TANC2: variants seen among roughly 807,000 people sequenced by gnomAD.
TANC2 encodes protein TANC2.
In TANC2, 26 loss-of-function variants were observed where a neutral mutation model predicts 210.5. That is an observed-to-expected ratio of 0.12 (90% CI 0.09 to 0.17). The LOEUF is 0.17. Among genes scored for constraint, TANC2 ranks in the 10% least tolerant of loss-of-function variants. TANC2 has a pLI of 1.00. For synonymous variants in TANC2, 931 were observed against 967.1 expected (o/e 0.96, Z 0.69); for missense variants, 2,129 against 2,608.9 (o/e 0.82, Z 4.01).
rs186074936 is a variant in TANC2, at chr17:63,190,620, C to T, written c.434-3371C>T. Among the ~76,000 whole-genome samples, 84 of 152,214 alleles carry T rather than the reference C, an allele frequency of 5.5e-4. 1 individual carries two copies. The highest frequency in any genetic ancestry group is 8.9e-4 in the African/African-American group (37 of 41,516). ...GGAAAGGAAGCGAGTAAGCAAGCAG[C>T]TGGAATTTTGATAAGGATTGCATTA... On this transcript the variant is annotated intron_variant, in intron 5 of 27. Coordinates refer to ENST00000689528, the Ensembl canonical transcript of TANC2.
intron 5 of TANC2, among the ~76,000 whole-genome samples, chr17:63,168,641 A>G (rs1283167832): frequency 6.6e-6 from 1 of 152,194 alleles, no homozygotes; most frequent in Non-Finnish European, 1.5e-5. Context: ...TTCAACATAT[A>G]CTTTATCATG....
chr17:63,118,028 C>G (rs927878181), intron 4 of TANC2, among the ~76,000 whole-genome samples: 2 of 152,124 alleles, frequency 1.3e-5, no homozygotes, highest in Admixed American at 1.3e-4. Flanking sequence ...CTGTTAAAAA[C>G]TCAATTTTTC....
chr17:63,248,119 G>A (rs1033145470), intron 8 of TANC2, among the ~76,000 whole-genome samples: 3 of 151,984 alleles, frequency 2.0e-5, no homozygotes, highest in Non-Finnish European at 2.9e-5. Context: ...AAATGATTAC[G>A]TATCTAAACC....
intron 8 of TANC2, among the ~76,000 whole-genome samples, chr17:63,255,852 CTGTTTACTTTGTTCT>C (rs1426211060): frequency 2.8e-5 from 4 of 144,950 alleles, no homozygotes; most frequent in Non-Finnish European, 6.1e-5. Flanking sequence ...GTTTAGTTTA[CTGTTTACTTTGTTCT>C]TTAAGAAGCA....
chr17:63,022,726 TG>T (rs2034401058), intron 2 of TANC2, among the ~76,000 whole-genome samples: 1 of 152,110 alleles, frequency 6.6e-6, no homozygotes, highest in South Asian at 2.1e-4. Context: ...GAGGGCAGAA[TG>T]GCTTTAGGAG....
intron 11 of TANC2, among the ~76,000 whole-genome samples, chr17:63,338,034 G>A (rs1006506586): frequency 1.1e-4 from 17 of 152,178 alleles, no homozygotes; most frequent in African/African-American, 4.1e-4. Flanking sequence ...GGGCGTTAAG[G>A]TTGATTCCAT....
exon 28 of TANC2, chr17:63,425,871 CTCCT>C (rs755883070): frequency 2.0e-5 from 3 of 152,294 alleles, no homozygotes; most frequent in Non-Finnish European, 4.4e-5. Context: ...ATGAGCCTCC[CTCCT>C]GTCAGTTCCT....
At chr17:63,143,687 G>A (rs1030034066) in intron 4 of TANC2, among the ~76,000 whole-genome samples, 1 of 152,042 alleles carries the variant, frequency 6.6e-6, no homozygotes, top group Non-Finnish European at 1.5e-5. Flanking sequence ...ACAATTTGCT[G>A]TGTCACTATT....
At chr17:63,333,663 C>T (rs2045932170) in intron 11 of TANC2, among the ~76,000 whole-genome samples, 1 of 152,318 alleles carries the variant, frequency 6.6e-6, no homozygotes, top group South Asian at 2.1e-4. Flanking sequence ...AGAAGTTCTC[C>T]TATGGGTAAA....
chr17:63,414,249 C>G (rs2147365291), intron 25 of TANC2: 1 of 152,264 alleles, frequency 6.6e-6, no homozygotes, highest in South Asian at 2.1e-4. Context: ...TTACCCTGTC[C>G]CGAAGCTTCA....
intron 4 of TANC2, among the ~76,000 whole-genome samples, chr17:63,109,432 A>G (rs2037949423): frequency 6.6e-6 from 1 of 151,614 alleles, no homozygotes; most frequent in African/African-American, 2.4e-5. Context: ...AACAATACAC[A>G]CAAAAAAACC....
At chr17:63,222,047 A>G (rs1289763787) in intron 7 of TANC2, among the ~76,000 whole-genome samples, 1 of 152,234 alleles carries the variant, frequency 6.6e-6, no homozygotes, top group East Asian at 1.9e-4. Flanking sequence ...AACAATAGAA[A>G]TATATTTCTC....
intron 14 of TANC2, among the ~76,000 whole-genome samples, chr17:63,375,430 A>T (rs2047395485): frequency 6.6e-6 from 1 of 152,222 alleles, no homozygotes; most frequent in South Asian, 2.1e-4. Flanking sequence ...GTAAAATGAA[A>T]ACACTAGGGT....
intron 4 of TANC2, among the ~76,000 whole-genome samples, chr17:63,123,847 A>G (rs1347155508): frequency 6.6e-6 from 1 of 151,378 alleles, no homozygotes; most frequent in Non-Finnish European, 1.5e-5. Context: ...GATTACAGGT[A>G]CCTGCCACCA....
intron 4 of TANC2, among the ~76,000 whole-genome samples, chr17:63,117,523 C>G (rs940073171): frequency 6.6e-6 from 1 of 152,174 alleles, no homozygotes; most frequent in African/African-American, 2.4e-5. Flanking sequence ...GTTAGGGGTT[C>G]TAAACCCCTT....
intron 7 of TANC2, among the ~76,000 whole-genome samples, chr17:63,206,313 A>G (rs2041709143): frequency 6.6e-6 from 1 of 152,244 alleles, no homozygotes; most frequent in African/African-American, 2.4e-5. Flanking sequence ...AAAGTTCAAC[A>G]TAGAATTGCC....
chr17:63,184,119 A>G (rs1261358521), intron 5 of TANC2, among the ~76,000 whole-genome samples: 3 of 152,180 alleles, frequency 2.0e-5, no homozygotes. Context: ...AACATAACAT[A>G]TTTCATATAT....
intron 4 of TANC2, among the ~76,000 whole-genome samples, chr17:63,119,389 T>C (rs1166522869): frequency 6.6e-6 from 1 of 152,244 alleles, no homozygotes; most frequent in Non-Finnish European, 1.5e-5. Context: ...CCTATCTGTT[T>C]ATACAAGTGC....
intron 7 of TANC2, among the ~76,000 whole-genome samples, chr17:63,221,914 A>G (rs1192179074): frequency 2.6e-5 from 4 of 152,244 alleles, no homozygotes; most frequent in Admixed American, 2.6e-4. Context: ...CAAGAGAGCA[A>G]GAAAATCATA....
Sources: allele counts gnomAD v4.1 joint callset (sites outside exome capture counted in the v4.1 genomes callset), GRCh38; gene constraint gnomAD v4.1.1; transcripts MANE v1.5; gene names NCBI Gene and HGNC (gene_info 2026-07-23, HGNC 2026-07-21).